The following ZNF43 variants were observed in gnomAD, a reference collection of about 807,000 sequenced individuals.
ZNF43 encodes the protein zinc finger protein 39-like 1 (KOX 27).
Under a neutral mutation model 68.4 loss-of-function variants are expected in ZNF43, and 44 were observed. The observed-to-expected ratio is 0.64, with a 90% CI of 0.51 to 0.83. ZNF43 has a LOEUF of 0.83. Among genes scored for constraint, ZNF43 ranks in the 40% least tolerant of loss-of-function variants. The pLI is 0.00. For synonymous variants in ZNF43, 308 were observed against 307.8 expected (o/e 1.00, Z -0.01); for missense variants, 896 against 933.2 (o/e 0.96, Z 0.52).
Position 21,817,767 on chromosome 19 carries a change from C to T in ZNF43, c.229+121G>A, listed in dbSNP as rs138685426. 4.6e-5 allele frequency: 49 copies of T among 1,061,566 alleles called. No individual in the cohort carries two copies. In the East Asian group the frequency reaches 1.1e-3, roughly 25 times the overall value. 65.8% of individuals were successfully genotyped at this position (1,061,566 alleles called of 1,614,324 possible). On this transcript the variant is annotated intron_variant, in intron 3 of 3. Transcript: ENST00000354959. Reference sequence around the variant, plus strand: ...TGAAAGCAAAATGAAAAAACTCAGGCTTTCCAGAAACTCTTTCCTTTGGAA... The same window carrying T: ...TGAAAGCAAAATGAAAAAACTCAGGTTTTCCAGAAACTCTTTCCTTTGGAA...
chr19:21,821,793 TAAAACAAACTCATTAGGGAGGA>T (rs990980761), intron 1 of ZNF43, among the ~76,000 whole-genome samples: 4 of 151,992 alleles, frequency 2.6e-5, no homozygotes, highest in South Asian at 2.1e-4. Flanking sequence ...AAAAAGCAGT[TAAAACAAACTCATTAGGGAGGA>T]AAAACACAAG....
rs1285938777 is a variant in ZNF43, at chr19:21,845,912, G to A, written c.30+5993C>T. ...CTGTCTCAAAAAAAAAAAAAAGGAT[G>A]CAGGGCCCAGACAAGAGAAGAGTCC... On this transcript the variant is annotated intron_variant, in intron 1 of 3. Coordinates refer to the ZNF43 transcript ENST00000357491. Among the ~76,000 whole-genome samples the A allele has an allele frequency of 2.7e-5, 4 of 150,464 alleles. No homozygotes were observed. In the East Asian group the frequency reaches 5.9e-4, roughly 22 times the overall value.
chr19:21,817,878 T>A lies in ZNF43; in HGVS notation c.229+10A>T. The A allele has an allele frequency of 6.2e-7, 1 of 1,610,920 alleles. No homozygotes were observed. Among genetic ancestry groups the A allele is most frequent in the Non-Finnish European group, 8.5e-7 (1 of 1,177,528 alleles). On this transcript the variant is annotated intron_variant, in intron 3 of 3. Transcript: ENST00000354959. ...CTGTGTTTGTTGTATTCACTTTCAC[T>A]CTCACCTACCTGGGGGTTTGGCTAC... is the stretch of plus-strand genomic sequence containing the variant.
In ZNF43 at chr19:21,819,232, C is replaced by A. The variant is rs1408617684; in HGVS notation, c.4-11G>T. The A allele has an allele frequency of 1.3e-6, 2 of 1,583,326 alleles. No individual in the cohort carries two copies. The highest frequency in any genetic ancestry group is 1.2e-5 in the South Asian group (1 of 86,180). On this transcript the variant is annotated splice_polypyrimidine_tract_variant and intron_variant, in intron 1 of 3. Coordinates refer to ENST00000354959, the MANE Select transcript of ZNF43 (RefSeq NM_003423.4). ...AAATGTCAATGGTCCCTAAAAAAAA[C>A]AACACATACACACACAAACACACAC...
chr19:21,831,880 G>T (rs181378993), intron 1 of ZNF43, among the ~76,000 whole-genome samples: 98 of 152,228 alleles, frequency 6.4e-4, no homozygotes, highest in East Asian at 5.8e-4. Flanking sequence ...GCTTCAAAAA[G>T]TAAGAGATGA....
intron 1 of ZNF43, among the ~76,000 whole-genome samples, chr19:21,844,924 ATAT>A (rs1967838496): frequency 1.1e-4 from 13 of 114,970 alleles, no homozygotes; most frequent in African/African-American, 3.1e-4. Context: ...AAAAAAAAAT[ATAT>A]ATATATATAT....
At chr19:21,841,212 T>A (rs910262801) in intron 1 of ZNF43, 19 of 152,276 alleles carry the variant, frequency 1.2e-4, no homozygotes, top group African/African-American at 4.6e-4. Flanking sequence ...TGGTTTGTGG[T>A]ATGAGTATCA....
At chr19:21,829,032 CAAAAAAAAAAAAAAAAAAA>C (rs551226809) in intron 1 of ZNF43, among the ~76,000 whole-genome samples, 5 of 38,810 alleles carry the variant, frequency 1.3e-4, no homozygotes, top group East Asian at 2.0e-3. Context: ...GACTCTGTCT[CAAAAAAAAAAAAAAAAAAA>C]AAAAAAAAAA....
intron 1 of ZNF43, chr19:21,826,837 C>CAAAA (rs369753882): frequency 0.039 from 5,217 of 133,078 alleles, 182 homozygotes; most frequent in South Asian, 0.16. Context: ...TCTTTGTCTC[C>CAAAA]AAAAAAAAAA....
intron 1 of ZNF43, among the ~76,000 whole-genome samples, chr19:21,833,966 G>A (rs1281974877): frequency 6.6e-6 from 1 of 152,050 alleles, no homozygotes; most frequent in African/African-American, 2.4e-5. Flanking sequence ...GGCAGAGGTT[G>A]CAGTGAGCTG....
chr19:21,817,987 C>T lies in ZNF43; in HGVS notation c.131-1G>A. ...AGGTCTGGCTTAGAGACAGCAATAC[C>T]TGTTTCAATAAAAAATAAATTACGT... On this transcript the variant is annotated splice_acceptor_variant, in intron 2 of 3. Coordinates refer to ENST00000354959, the MANE Select transcript of ZNF43 (RefSeq NM_003423.4). LOFTEE classifies it high-confidence loss of function. The T allele has an allele frequency of 6.2e-7, 1 of 1,610,854 alleles. No individual in the cohort carries two copies. Among genetic ancestry groups the T allele is most frequent in the Admixed American group, 1.7e-5 (1 of 59,584 alleles).
chr19:21,833,919 C>A (rs780675491), intron 1 of ZNF43, among the ~76,000 whole-genome samples: 1 of 151,650 alleles, frequency 6.6e-6, no homozygotes, highest in Non-Finnish European at 1.5e-5. Flanking sequence ...CCTAGCTACT[C>A]GGGAGGCTGA....
intron 1 of ZNF43, among the ~76,000 whole-genome samples, chr19:21,843,836 T>TC (rs1356995097): frequency 6.6e-6 from 1 of 151,818 alleles, no homozygotes; most frequent in Non-Finnish European, 1.5e-5. Context: ...GACCTGAGAG[T>TC]CACCAATCCA....
At chr19:21,842,896 TG>T (rs1967641318) in intron 1 of ZNF43, among the ~76,000 whole-genome samples, 1 of 152,130 alleles carries the variant, frequency 6.6e-6, no homozygotes, top group Non-Finnish European at 1.5e-5. Flanking sequence ...CCCTCTTCTG[TG>T]GTCAGGGCCC....
At chr19:21,845,731 T>C (rs11085496) in intron 1 of ZNF43, among the ~76,000 whole-genome samples, 25,271 of 151,838 alleles carry the variant, frequency 0.17, 2,418 homozygotes, top group Non-Finnish European at 0.22. Context: ...CTGTCTCTAC[T>C]AAAAATACAA....
At chr19:21,811,593 G>A (rs1045087080) in intron 3 of ZNF43, among the ~76,000 whole-genome samples, 1 of 150,780 alleles carries the variant, frequency 6.6e-6, no homozygotes, top group Admixed American at 6.6e-5. Flanking sequence ...CAATAAAGAG[G>A]CATTATACTT....
chr19:21,809,628 A>G lies in ZNF43; in HGVS notation c.409T>C (p.Cys137Arg), dbSNP rs1319260677. ...HRGGYNGFNQ[C>R]LPATQSKIFL... is the part of the protein sequence containing the mutation. ...ATTTTGCTCTGGGTAGCTGGCAAACATTGGTTAAATCCATTATAACCTCCT... is the reference window on the plus strand; with the variant it reads ...ATTTTGCTCTGGGTAGCTGGCAAACGTTGGTTAAATCCATTATAACCTCCT... The change falls in exon 4 of 4, where the codon TGT (cysteine) becomes CGT (arginine). Residue 137 changes from cysteine (C) to arginine (R), a missense_variant. By Grantham distance (180) the Cys-to-Arg change is radical. Transcript: ENST00000354959. 3.7e-6 allele frequency: 6 copies of G among 1,612,102 alleles called. No homozygotes were observed. The East Asian group carries it at 8.9e-5, about 24-fold the overall frequency.
rs753886536 is a variant in ZNF43, at chr19:21,809,284, ATT to A, written c.751_752del (p.Asn251LeufsTer3). 1 of 1,612,480 alleles carries A rather than the reference ATT, an allele frequency of 6.2e-7. No homozygotes were observed. Among genetic ancestry groups the A allele is most frequent in the African/African-American group, 1.3e-5 (1 of 74,612 alleles). Reference sequence around the variant, plus strand: ...ATTTGTAGAGTTTGTATCTAGTATAATTTTTTTTATGTGTAGTAAGGCGTGAG... The same window carrying A: ...ATTTGTAGAGTTTGTATCTAGTATAATTTTTTATGTGTAGTAAGGCGTGAG... Reference protein sequence around the residue: ...WSSRLTTHKKNYTRYKLYKCE... With the variant: ...WSSRLTTHKKXYTRYKLYKCE... On this transcript the variant is annotated frameshift_variant, in exon 4 of 4. Coordinates refer to ENST00000354959, the MANE Select transcript of ZNF43 (RefSeq NM_003423.4). LOFTEE classifies it high-confidence loss of function.
At chr19:21,812,778 C>T (rs1194868756) in intron 3 of ZNF43, among the ~76,000 whole-genome samples, 1 of 151,854 alleles carries the variant, frequency 6.6e-6, no homozygotes, top group Non-Finnish European at 1.5e-5. Context: ...TGGCAAAACC[C>T]CATCTCTACT....
Sources: allele counts gnomAD v4.1 joint callset (sites outside exome capture counted in the v4.1 genomes callset), GRCh38; gene constraint gnomAD v4.1.1; transcripts MANE v1.5; gene names NCBI Gene and HGNC (gene_info 2026-07-23, HGNC 2026-07-21).